ECSCR: variants seen among roughly 807,000 people sequenced by gnomAD.
ECSCR encodes endothelial cell-specific chemotaxis regulator.
Under a neutral mutation model 16.7 loss-of-function variants are expected in ECSCR, and 12 were observed. That is an observed-to-expected ratio of 0.72 (90% CI 0.46 to 1.17). ECSCR has a LOEUF of 1.17. Among genes scored for constraint, ECSCR ranks in the 50% most tolerant of loss-of-function variants. The probability of loss-of-function intolerance (pLI) is 0.00; values close to 1 mark genes in which losing one functional copy is unlikely to be tolerated. For synonymous variants in ECSCR, 44 were observed against 42.2 expected (o/e 1.04, Z -0.17); for missense variants, 122 against 116.1 (o/e 1.05, Z -0.23).
chr5:139,460,742 C>A (rs1052157183), intron 1 of ECSCR, among the ~76,000 whole-genome samples: 1 of 152,106 alleles, frequency 6.6e-6, no homozygotes, highest in Non-Finnish European at 1.5e-5. Flanking sequence ...ACTCTAGCCA[C>A]AGGAATTTTT....
At chr5:139,458,500 C>A (rs1380530147) in intron 1 of ECSCR, among the ~76,000 whole-genome samples, 61 of 85,350 alleles carry the variant, frequency 7.1e-4, no homozygotes, top group African/African-American at 1.1e-3. Flanking sequence ...CCTATCTCAA[C>A]AAAAAAAAAA....
At chr5:139,461,966 C>T (rs142523031) in intron 1 of ECSCR, among the ~76,000 whole-genome samples, 71 of 152,288 alleles carry the variant, frequency 4.7e-4, no homozygotes, top group African/African-American at 1.6e-3. Context: ...AGCGGCTTCA[C>T]AACTCATTGG....
chr5:139,450,279 G>C (rs1190463212), intron 8 of ECSCR, among the ~76,000 whole-genome samples: 1 of 151,972 alleles, frequency 6.6e-6, no homozygotes, highest in Non-Finnish European at 1.5e-5. Context: ...GAGGCAGAAG[G>C]ATCACTTGAG....
intron 9 of ECSCR, 42 bp downstream of exon 9, chr5:139,449,036 A>G (rs1486476908): frequency 3.3e-6 from 5 of 1,532,794 alleles, no homozygotes; most frequent in Middle Eastern, 1.7e-4. Context: ...AGGAAGGGAA[A>G]GGTGAATTTG....
At position 139,448,875 on chromosome 5, in the gene ECSCR, G is replaced by C; in HGVS notation, c.*25C>G. 2 of 1,537,166 alleles carry C rather than the reference G, an allele frequency of 1.3e-6. No homozygotes were observed. Among genetic ancestry groups the C allele is most frequent in the Admixed American group, 3.9e-5 (2 of 50,986 alleles). On this transcript the variant is annotated 3_prime_UTR_variant, in exon 10 of 10. Coordinates refer to ENST00000618155, the MANE Select transcript of ECSCR (RefSeq NM_001077693.4). ...TCACAGGGCAGCTGCATCATCCTTG[G>C]ACTCATGGGGACCCAAAGTTGCTTT...
At chr5:139,455,296 T>C (rs1382297736) in intron 6 of ECSCR, 27 bp downstream of exon 6, 41 of 398,388 alleles carry the variant, frequency 1.0e-4, no homozygotes, top group Middle Eastern at 6.2e-4. Context: ...GTTCCTCCTA[T>C]GTCCCACCTT....
At chr5:139,452,397 T>C (rs1354685589) in intron 8 of ECSCR, among the ~76,000 whole-genome samples, 1 of 150,450 alleles carries the variant, frequency 6.6e-6, no homozygotes, top group Non-Finnish European at 1.5e-5. Context: ...TTGAGGTGTG[T>C]GTGTGGAGGG....
rs1751132304 is a variant in ECSCR, at chr5:139,455,309, CCTT to C, written c.376+11_376+13del. The C allele has an allele frequency of 2.5e-6, 1 of 398,598 alleles. No homozygotes were observed. The allele number at this position is 398,598 out of a possible 1,614,324, so 24.7% of individuals were successfully genotyped here. A position where few individuals can be genotyped will look rare whatever the true frequency, so the allele number is the denominator to read the frequency against. ...GGGTTCCTCCTATGTCCCACCTTCTCCTTCCGGTCTCACCAAATGCAGCCACAG... is the reference window on the plus strand; with the variant it reads ...GGGTTCCTCCTATGTCCCACCTTCTCCCGGTCTCACCAAATGCAGCCACAG... On this transcript the variant is annotated intron_variant, in intron 6 of 9. Coordinates refer to ENST00000618155, the MANE Select transcript of ECSCR (RefSeq NM_001077693.4).
chr5:139,458,520 A>G (rs1164553270), intron 1 of ECSCR, among the ~76,000 whole-genome samples: 11 of 121,854 alleles, frequency 9.0e-5, no homozygotes, highest in East Asian at 6.1e-4. Flanking sequence ...AAAAAAAAAA[A>G]AAAAAAAAAA....
chr5:139,458,843 C>T (rs1751227278), intron 1 of ECSCR, among the ~76,000 whole-genome samples: 1 of 142,318 alleles, frequency 7.0e-6, no homozygotes, highest in Admixed American at 7.0e-5. Context: ...GAGACTCTGT[C>T]TCAAAAAAAA....
intron 1 of ECSCR, 142 bp from the exon 2 acceptor site, chr5:139,458,325 GT>G (rs777187520): frequency 0.12 from 62,234 of 524,216 alleles, no homozygotes; most frequent in South Asian, 0.15. Flanking sequence ...GTTTTGTTTT[GT>G]TTTTTTTTTT....
At chr5:139,460,133 GT>G (rs534175242) in intron 1 of ECSCR, among the ~76,000 whole-genome samples, 54 of 140,936 alleles carry the variant, frequency 3.8e-4, no homozygotes, top group South Asian at 1.6e-3. Context: ...TGTATTTTTT[GT>G]TTTTTTTTTT....
intron 8 of ECSCR, among the ~76,000 whole-genome samples, chr5:139,451,274 G>A (rs888350413): frequency 2.7e-5 from 4 of 147,084 alleles, no homozygotes; most frequent in Non-Finnish European, 4.5e-5. Flanking sequence ...AGTGTTATGT[G>A]TCATGTATGT....
intron 1 of ECSCR, among the ~76,000 whole-genome samples, chr5:139,461,189 A>T (rs1386226465): frequency 6.6e-6 from 1 of 152,172 alleles, no homozygotes; most frequent in Non-Finnish European, 1.5e-5. Flanking sequence ...TGCAAGTGGT[A>T]TCAGTACCTC....
intron 6 of ECSCR, 78 bp from the exon 7 acceptor site, chr5:139,455,001 C>T (rs1225207377): frequency 2.5e-6 from 1 of 398,410 alleles, no homozygotes; most frequent in African/African-American, 2.1e-5. Flanking sequence ...CATTCCCTTC[C>T]CAGATAAGTA....
chr5:139,450,744 C>G (rs950901038), intron 8 of ECSCR, among the ~76,000 whole-genome samples: 9 of 151,380 alleles, frequency 5.9e-5, no homozygotes, highest in African/African-American at 2.2e-4. Flanking sequence ...CCACTGCACT[C>G]CAGCCCAGGC....
At chr5:139,450,049 C>A (rs1048729801) in intron 8 of ECSCR, among the ~76,000 whole-genome samples, 1 of 152,262 alleles carries the variant, frequency 6.6e-6, no homozygotes, top group East Asian at 1.9e-4. Context: ...CACCTGCCAC[C>A]GTGCCCAGCT....
intron 8 of ECSCR, among the ~76,000 whole-genome samples, chr5:139,451,159 T>G (rs1368562937): frequency 6.6e-6 from 1 of 150,466 alleles, no homozygotes; most frequent in Non-Finnish European, 1.5e-5. Flanking sequence ...TGTGTGTGTG[T>G]GTGGTGTAAT....
Position 139,462,533 on chromosome 5 carries a change from C to T in ECSCR, c.61+77G>A, listed in dbSNP as rs1027984459. The T allele has an allele frequency of 9.8e-6, 14 of 1,425,162 alleles. No homozygotes were observed. In the Middle Eastern group the frequency reaches 1.4e-3, roughly 142 times the overall value. The allele number at this position is 1,425,162 out of a possible 1,614,324, so 88.3% of individuals were successfully genotyped here. On this transcript the variant is annotated intron_variant, in intron 1 of 9. Transcript: ENST00000618155. ...GCCCCTGGATGGAAAGCATGTGTCT[C>T]CTGAGAAAGAGACCGATGCCTAGAA...
Sources: gnomAD v4.1 joint callset for allele counts (sites outside exome capture counted in the v4.1 genomes callset) on GRCh38, gnomAD v4.1.1 for gene constraint, MANE v1.5 for transcripts, NCBI Gene and HGNC (gene_info 2026-07-23, HGNC 2026-07-21) for gene names.